ORMDL1: variants seen among roughly 807,000 people sequenced by gnomAD.
ORMDL1 encodes the protein ORMDL sphingolipid biosynthesis regulator 1.
ORMDL1 carries 10 observed loss-of-function variants against 13.0 expected under a neutral mutation model. That is an observed-to-expected ratio of 0.77 (90% CI 0.47 to 1.30). The LOEUF is 1.30. Among genes scored for constraint, ORMDL1 ranks in the 50% most tolerant of loss-of-function variants. ORMDL1 has a pLI of 0.00. For synonymous variants in ORMDL1, 61 were observed against 63.9 expected (o/e 0.95, Z 0.22); for missense variants, 171 against 186.7 (o/e 0.92, Z 0.49).
At chr2:189,772,801 A>C (rs1461703937) in intron 4 of ORMDL1, among the ~76,000 whole-genome samples, 1 of 152,236 alleles carries the variant, frequency 6.6e-6, no homozygotes, top group Non-Finnish European at 1.5e-5. Flanking sequence ...AGGGAAAATA[A>C]ATATCTTGTG....
rs1047156889 is a variant in ORMDL1, at chr2:189,775,691, A to G, written c.200T>C (p.Val67Ala). The change falls in exon 4 of 5, where the codon GTG becomes GCG. Residue 67 changes from valine to alanine, a missense_variant. Val to Ala is a moderately conservative substitution (Grantham distance 64, BLOSUM62 0). Transcript: ENST00000392349. ...AGGAGTTTCGAAAGGTGTTCCTTTC[A>G]CTGCATGCAAAAATACGTACATCCC... ...NLGMYVFLHA[V>A]KGTPFETPDQ... is the part of the protein sequence containing the mutation. 6.2e-7 allele frequency: 1 copy of G among 1,613,394 alleles called. No individual in the cohort carries two copies. The highest frequency in any genetic ancestry group is 1.7e-5 in the Admixed American group (1 of 59,862).
At chr2:189,781,434 G>C (rs2047827517) in intron 3 of ORMDL1, among the ~76,000 whole-genome samples, 1 of 151,918 alleles carries the variant, frequency 6.6e-6, no homozygotes, top group Non-Finnish European at 1.5e-5. Context: ...TTTGTAAAAG[G>C]CAATTTCCAG....
intron 3 of ORMDL1, among the ~76,000 whole-genome samples, chr2:189,777,208 C>T (rs2047718175): frequency 6.6e-6 from 1 of 152,106 alleles, no homozygotes; most frequent in South Asian, 2.1e-4. Context: ...AGCCTGAATA[C>T]ACTCGGAATA....
At position 189,782,458 on chromosome 2, in the gene ORMDL1, AG is replaced by A. The variant is rs1221711931; in HGVS notation, c.137del (p.Pro46LeufsTer6). On this transcript the variant is annotated frameshift_variant, in exon 3 of 5. Coordinates refer to ENST00000392349, the MANE Select transcript of ORMDL1 (RefSeq NM_016467.5). LOFTEE classifies it high-confidence loss of function. ...TAATATTTGTTAAAGTCCAAGCAAC[AG>A]GAACACTGAAGAAGGGAATGCTGAG... The part of the protein sequence containing the change: ...VLLSIPFFSV[P>X]VAWTLTNIIH... The A allele has an allele frequency of 6.2e-7, 1 of 1,614,174 alleles. No homozygotes were observed. The highest frequency in any genetic ancestry group is 8.5e-7 in the Non-Finnish European group (1 of 1,179,978).
At position 189,775,563 on chromosome 2, in the gene ORMDL1, A is replaced by G; in HGVS notation, c.326+2T>C. On this transcript the variant is annotated splice_donor_variant, in intron 4 of 4. Transcript: ENST00000392349. LOFTEE classifies it high-confidence loss of function. ...TCATACCTAAAAATTTCTGCCACTTACAGAATTATTGGAGAAATTGTGAAA... is the reference window on the plus strand; with the variant it reads ...TCATACCTAAAAATTTCTGCCACTTGCAGAATTATTGGAGAAATTGTGAAA... 6.3e-7 allele frequency: 1 copy of G among 1,595,328 alleles called. No homozygotes were observed. Among genetic ancestry groups the G allele is most frequent in the Non-Finnish European group, 8.5e-7 (1 of 1,171,772 alleles).
At chr2:189,764,013 A>C in the ORMDL1 span, 1 of 152,162 alleles carries the variant, frequency 6.6e-6, no homozygotes, top group African/African-American at 2.4e-5. Context: ...TTTACAGGCA[A>C]CTGGGCCACA....
intron 4 of ORMDL1, chr2:189,774,792 T>C (rs1255369378): frequency 6.6e-6 from 1 of 152,128 alleles, no homozygotes; most frequent in Non-Finnish European, 1.5e-5. Flanking sequence ...TTGAACTGAT[T>C]TGAACAAAGA....
chr2:189,778,777 C>T (rs1255494746), intron 3 of ORMDL1, among the ~76,000 whole-genome samples: 1 of 152,030 alleles, frequency 6.6e-6, no homozygotes, highest in Non-Finnish European at 1.5e-5. Flanking sequence ...TGCCTGTAGT[C>T]CCATCTGTTC....
At chr2:189,772,594 G>A (rs1194018242) in intron 4 of ORMDL1, among the ~76,000 whole-genome samples, 3 of 152,132 alleles carry the variant, frequency 2.0e-5, no homozygotes, top group African/African-American at 7.2e-5. Context: ...AGTCCAGAAT[G>A]TTTAGTTTTA....
At chr2:189,781,077 G>A (rs1459593136) in intron 3 of ORMDL1, among the ~76,000 whole-genome samples, 1 of 151,896 alleles carries the variant, frequency 6.6e-6, no homozygotes, top group African/African-American at 2.4e-5. Context: ...ACCATGCCAG[G>A]CTAAGGTTTT....
At chr2:189,765,060 T>C in the ORMDL1 span, 1 of 152,206 alleles carries the variant, frequency 6.6e-6, no homozygotes, top group African/African-American at 2.4e-5. Context: ...TTTGAACTCC[T>C]GACCTCGTGA....
rs770736517 is a variant in ORMDL1, at chr2:189,782,431, TATA to T, written c.162_164del (p.Ile55del). The stretch of plus-strand genomic sequence containing the variant: ...AATGTGAAATTCTTACCAGATTATG[TATA>T]ATATTTGTTAAAGTCCAAGCAACAG... On this transcript the variant is annotated inframe_deletion, in exon 3 of 5. Transcript: ENST00000392349. The T allele has an allele frequency of 8.1e-6, 13 of 1,612,954 alleles. No individual in the cohort carries two copies. The highest frequency in any genetic ancestry group is 1.1e-5 in the South Asian group (1 of 91,004).
intron 4 of ORMDL1, 33 bp from the exon 5 acceptor site, chr2:189,771,935 A>T: frequency 1.4e-6 from 2 of 1,447,120 alleles, no homozygotes; most frequent in Non-Finnish European, 1.9e-6. Flanking sequence ...TATATATAAC[A>T]TCCAAAAATA....
At chr2:189,782,849 G>T in intron 2 of ORMDL1, 165 bp downstream of exon 2, 1 of 366,270 alleles carries the variant, frequency 2.7e-6, no homozygotes, top group Non-Finnish European at 4.9e-6. Flanking sequence ...TAGTTACAAT[G>T]CCTTTCCAAA....
At chr2:189,780,604 A>G (rs1343757362) in intron 3 of ORMDL1, among the ~76,000 whole-genome samples, 1 of 152,232 alleles carries the variant, frequency 6.6e-6, no homozygotes, top group Non-Finnish European at 1.5e-5. Context: ...GAAGAGATGA[A>G]GAAAAGAACC....
At chr2:189,782,887 T>C (rs986689052) in intron 2 of ORMDL1, 127 bp downstream of exon 2, 4 of 279,152 alleles carry the variant, frequency 1.4e-5, no homozygotes, top group Non-Finnish European at 2.7e-5. Context: ...GTTGTTTTAC[T>C]GAATAGGAAA....
At chr2:189,772,350 T>C (rs570945757) in intron 4 of ORMDL1, among the ~76,000 whole-genome samples, 1 of 152,356 alleles carries the variant, frequency 6.6e-6, no homozygotes, top group South Asian at 2.1e-4. Context: ...AGTGCATTAG[T>C]ACAATTCCTA....
At position 189,782,481 on chromosome 2, in the gene ORMDL1, T is replaced by C. The variant is rs1178922222; in HGVS notation, c.115A>G (p.Ser39Gly). The change falls in exon 3 of 5, where the codon AGC becomes GGC. Residue 39 changes from serine to glycine, a missense_variant. Physicochemically the swap from Ser to Gly is moderately conservative, Grantham distance 56. Coordinates refer to ENST00000392349, the MANE Select transcript of ORMDL1 (RefSeq NM_016467.5). ...GVGLLHIVLL[S>G]IPFFSVPVAW... ...ACAGGAACACTGAAGAAGGGAATGC[T>C]GAGTAAGACAATATGAAGCAAGCCA... 1 of 1,614,186 alleles carries C rather than the reference T, an allele frequency of 6.2e-7. No individual in the cohort carries two copies. The highest frequency in any genetic ancestry group is 1.3e-5 in the African/African-American group (1 of 75,064).
In ORMDL1 at chr2:189,782,505, CA is replaced by C; in HGVS notation, c.90del (p.Gly31AlafsTer21). 6.2e-7 allele frequency: 1 copy of C among 1,614,116 alleles called. No individual in the cohort carries two copies. The highest frequency in any genetic ancestry group is 1.1e-5 in the South Asian group (1 of 91,084). On this transcript the variant is annotated frameshift_variant, in exon 3 of 5. Transcript: ENST00000392349. LOFTEE classifies it high-confidence loss of function. ...RGMWLTYALGVGLLHIVLLSI... is the reference protein window; with the variant it reads ...RGMWLTYALGXGLLHIVLLSI... Reference sequence around the variant, plus strand: ...CTGAGTAAGACAATATGAAGCAAGCCAACTCCCAATGCATATGTCAGCCACA... The same window carrying C: ...CTGAGTAAGACAATATGAAGCAAGCCACTCCCAATGCATATGTCAGCCACA...
Sources: gnomAD v4.1 joint callset for allele counts (sites outside exome capture counted in the v4.1 genomes callset) on GRCh38, gnomAD v4.1.1 for gene constraint, MANE v1.5 for transcripts, NCBI Gene and HGNC (gene_info 2026-07-23, HGNC 2026-07-21) for gene names.